OPRM1: variants seen among roughly 807,000 people sequenced by gnomAD.
OPRM1 encodes the protein opioid receptor mu 1.
In OPRM1, 27 loss-of-function variants were observed where a neutral mutation model predicts 31.8. The observed-to-expected ratio is 0.85, with a 90% CI of 0.63 to 1.17. The LOEUF is 1.17. Ranked by LOEUF, OPRM1 falls within the 50% of genes most tolerant of loss-of-function variation. The probability of loss-of-function intolerance (pLI) is 0.00; values close to 1 mark genes in which losing one functional copy is unlikely to be tolerated. For synonymous variants in OPRM1, 196 were observed against 189.9 expected (o/e 1.03, Z -0.26); for missense variants, 536 against 511.1 (o/e 1.05, Z -0.47).
rs1199512489 is a variant in OPRM1, at chr6:154,180,409, TATA to T, written c.1165-66283_1165-66281del. ...AACTATATATATATATATATATATA[TATA>T]TATTTTTTTTTTAAACATGATCCTT... On this transcript the variant is annotated intron_variant, in intron 3 of 3. Transcript: ENST00000337049. 6.0e-3 allele frequency among the ~76,000 whole-genome samples: 276 copies of T among 45,852 alleles called. 2 individuals are homozygous for T. Among genetic ancestry groups the T allele is most frequent in the African/African-American group, 0.015 (264 of 17,558 alleles). 30.1% of individuals were successfully genotyped at this position (45,852 alleles called of 152,430 possible).
chr6:154,239,449 T>C (rs917963889), intron 3 of OPRM1, among the ~76,000 whole-genome samples: 7 of 152,242 alleles, frequency 4.6e-5, no homozygotes, highest in African/African-American at 1.7e-4. Context: ...AGTAACAGAA[T>C]TCAAGAAAGT....
rs866538071 is a variant in OPRM1 at position 154,039,383 on chromosome 6, CT to C, written c.-161del. On this transcript the variant is annotated 5_prime_UTR_variant, in exon 1 of 4. The change abolishes the stop of an existing upstream ORF in the 5' untranslated region. Coordinates refer to ENST00000330432, the MANE Select transcript of OPRM1 (RefSeq NM_000914.5). ...AATGTCAGATGCTCAGCTCGGTCCCCTCCGCCTGACGCTCCTCTCTGTCTCA... is the reference window on the plus strand; with the variant it reads ...AATGTCAGATGCTCAGCTCGGTCCCCCCGCCTGACGCTCCTCTCTGTCTCA... The C allele has an allele frequency of 1.2e-5, 18 of 1,545,670 alleles. No homozygotes were observed. Among genetic ancestry groups the C allele is most frequent in the Non-Finnish European group, 1.5e-5 (17 of 1,143,274 alleles).
At chr6:154,178,923 T>C (rs1395916533) in intron 3 of OPRM1, among the ~76,000 whole-genome samples, 1 of 152,136 alleles carries the variant, frequency 6.6e-6, no homozygotes, top group Non-Finnish European at 1.5e-5. Context: ...AACAGTAAAA[T>C]AATAAATTCT....
chr6:154,073,143 A>G (rs541316326), intron 1 of OPRM1, among the ~76,000 whole-genome samples: 2 of 152,312 alleles, frequency 1.3e-5, no homozygotes, highest in African/African-American at 4.8e-5. Context: ...CCCATTGCAG[A>G]TAAACTAAGA....
chr6:154,033,613 T>C (rs1354543533), intron 1 of OPRM1, among the ~76,000 whole-genome samples: 2 of 152,166 alleles, frequency 1.3e-5, no homozygotes, highest in Non-Finnish European at 2.9e-5. Context: ...TACACTTTTT[T>C]TGTGAGTATT....
At chr6:154,099,308 A>AAGAAAGGAAGGAAGGAAGGAAGGAAGG (rs1562469644) in intron 3 of OPRM1, among the ~76,000 whole-genome samples, 1 of 87,174 alleles carries the variant, frequency 1.1e-5, no homozygotes. Flanking sequence ...AGGAAGGAAG[A>AAGAAAGGAAGGAAGGAAGGAAGGAAGG]AAGGAAGGAA....
chr6:154,089,104 A>G (rs1233976585), intron 1 of OPRM1, among the ~76,000 whole-genome samples: 2 of 152,248 alleles, frequency 1.3e-5, no homozygotes, highest in East Asian at 1.9e-4. Context: ...TTGTATGTGC[A>G]TGTGTTTGTG....
intron 1 of OPRM1, among the ~76,000 whole-genome samples, chr6:154,013,135 C>T (rs920498083): frequency 1.3e-5 from 2 of 152,112 alleles, no homozygotes; most frequent in African/African-American, 2.4e-5. Flanking sequence ...AGAGAGTTTT[C>T]AAGTGGACGT....
chr6:154,197,757 T>C (rs769571976), intron 3 of OPRM1, among the ~76,000 whole-genome samples: 30 of 152,210 alleles, frequency 2.0e-4, no homozygotes, highest in Non-Finnish European at 3.2e-4. Context: ...TCCAGGGTTA[T>C]CTCTTGGGAA....
intron 3 of OPRM1, among the ~76,000 whole-genome samples, chr6:154,177,224 A>G (rs1235131008): frequency 6.6e-6 from 1 of 152,240 alleles, no homozygotes; most frequent in African/African-American, 2.4e-5. Flanking sequence ...GGACATAGGC[A>G]TGGGCAAAGA....
intron 3 of OPRM1, among the ~76,000 whole-genome samples, chr6:154,207,197 G>A (rs1382682013): frequency 3.3e-5 from 5 of 152,330 alleles, no homozygotes; most frequent in East Asian, 1.9e-4. Context: ...ACCGGGCTGC[G>A]TGACTGACTG....
At chr6:154,075,326 G>A (rs1787629602) in intron 1 of OPRM1, among the ~76,000 whole-genome samples, 2 of 152,198 alleles carry the variant, frequency 1.3e-5, no homozygotes, top group South Asian at 2.1e-4. Flanking sequence ...AAAATGATAC[G>A]GTGAGCAATA....
intron 3 of OPRM1, among the ~76,000 whole-genome samples, chr6:154,144,051 AAAAT>A (rs1389833819): frequency 6.6e-6 from 1 of 152,234 alleles, no homozygotes; most frequent in East Asian, 1.9e-4. Context: ...TAATTCAACA[AAAAT>A]AAATTTGGCA....
intron 3 of OPRM1, among the ~76,000 whole-genome samples, chr6:154,196,553 G>T (rs1364486549): frequency 2.6e-5 from 4 of 152,106 alleles, no homozygotes; most frequent in Non-Finnish European, 5.9e-5. Context: ...CCAGAGTAAG[G>T]TTTCTTCATT....
chr6:154,214,184 T>C, intron 3 of OPRM1: 2 of 1,369,836 alleles, frequency 1.5e-6, no homozygotes, highest in Non-Finnish European at 2.1e-6. Context: ...CTAATATTCT[T>C]GCTAAATTTT....
intron 1 of OPRM1, among the ~76,000 whole-genome samples, chr6:154,053,466 A>G (rs1782591524): frequency 6.6e-6 from 1 of 152,162 alleles, no homozygotes; most frequent in Non-Finnish European, 1.5e-5. Context: ...TTTAAAAAAA[A>G]TGTTTTCTGC....
chr6:154,137,384 ATAAAT>A (rs1658774357), intron 3 of OPRM1, among the ~76,000 whole-genome samples: 1 of 152,180 alleles, frequency 6.6e-6, no homozygotes, highest in Admixed American at 6.5e-5. Context: ...TGCAAGACTA[ATAAAT>A]TATATTAATA....
At chr6:154,044,110 A>T (rs957024729) in intron 1 of OPRM1, among the ~76,000 whole-genome samples, 10 of 149,198 alleles carry the variant, frequency 6.7e-5, no homozygotes, top group Admixed American at 2.0e-4. Context: ...GGATGGATGG[A>T]TAGATAGATA....
At chr6:154,099,312 GAAGGAAGGA>G (rs1793982518) in intron 3 of OPRM1, among the ~76,000 whole-genome samples, 1 of 134,184 alleles carries the variant, frequency 7.5e-6, no homozygotes, top group South Asian at 2.6e-4. Context: ...AGGAAGAAAG[GAAGGAAGGA>G]AGGAAGGAAG....
Sources: allele counts gnomAD v4.1 joint callset (sites outside exome capture counted in the v4.1 genomes callset), GRCh38; gene constraint gnomAD v4.1.1; transcripts MANE v1.5; gene names NCBI Gene and HGNC (gene_info 2026-07-23, HGNC 2026-07-21).